Variants in NFIA observed in about 807,000 individuals in gnomAD.
NFIA encodes nuclear factor I A, also known as nuclear factor 1 A-type.
In NFIA, 8 loss-of-function variants were observed where a neutral mutation model predicts 62.8. That is an observed-to-expected ratio of 0.13 (90% CI 0.07 to 0.23). The LOEUF (loss-of-function observed/expected upper bound fraction) is 0.23. NFIA is among the 10% of genes least tolerant of loss of function. NFIA has a pLI of 1.00. For synonymous variants in NFIA, 235 were observed against 238.1 expected (o/e 0.99, Z 0.12); for missense variants, 410 against 642.1 (o/e 0.64, Z 3.91).
In NFIA at chr1:61,088,165, T is replaced by A. The variant is rs1646253335; in HGVS notation, c.44T>A (p.Phe15Tyr). The A allele has an allele frequency of 6.2e-7, 1 of 1,600,118 alleles. No individual in the cohort carries two copies. Among genetic ancestry groups the A allele is most frequent in the African/African-American group, 1.4e-5 (1 of 73,838 alleles). Residue 15 changes from phenylalanine to tyrosine, a missense_variant, in exon 2 of 11, where the codon TTC becomes TAC. By Grantham distance (22) the Phe-to-Tyr change is conservative (BLOSUM62 3). This residue lies in a region of NFIA where 86 missense variants were observed against 124.6 expected (regional missense o/e 0.69). Coordinates refer to ENST00000403491, the MANE Select transcript of NFIA (RefSeq NM_001134673.4). The surrounding 1 kb of genome is among the most constrained non-coding windows in gnomAD (Gnocchi z 4.5). ...LCLTQDEFHPFIEALLPHVRA... is the reference protein window; with the variant it reads ...LCLTQDEFHPYIEALLPHVRA... ...TTTTCCTAGGATGAATTTCATCCTT[T>A]CATCGAAGCACTTCTGCCCCACGTC...
At chr1:61,376,533 C>A (rs1664157160) in intron 6 of NFIA, among the ~76,000 whole-genome samples, 1 of 152,134 alleles carries the variant, frequency 6.6e-6, no homozygotes, top group Non-Finnish European at 1.5e-5. Flanking sequence ...TTGATAAAAT[C>A]TTAACTGATC....
intron 2 of NFIA, among the ~76,000 whole-genome samples, chr1:61,135,912 A>C (rs1022110102): frequency 6.6e-6 from 1 of 152,178 alleles, no homozygotes; most frequent in Non-Finnish European, 1.5e-5. Flanking sequence ...GAATATATGT[A>C]GTCTCCCCTA....
At chr1:61,194,754 C>T (rs756834880) in intron 2 of NFIA, among the ~76,000 whole-genome samples, 18 of 152,122 alleles carry the variant, frequency 1.2e-4, no homozygotes, top group Non-Finnish European at 2.5e-4. Context: ...AGTGCCCTTC[C>T]CACTATCCCA....
chr1:61,274,626 C>G (rs1238925101), intron 2 of NFIA, among the ~76,000 whole-genome samples: 1 of 152,164 alleles, frequency 6.6e-6, no homozygotes, highest in Admixed American at 6.5e-5. Flanking sequence ...GATATTTGTC[C>G]GAAAGAGTAA....
intron 3 of NFIA, among the ~76,000 whole-genome samples, chr1:61,283,582 A>T (rs1658275363): frequency 1.2e-5 from 1 of 83,524 alleles, no homozygotes. Flanking sequence ...ACTCTGTCTC[A>T]AAAAAAAAAA....
intron 2 of NFIA, among the ~76,000 whole-genome samples, chr1:61,101,740 A>AG (rs1182319014): frequency 2.0e-5 from 3 of 152,214 alleles, no homozygotes; most frequent in African/African-American, 7.2e-5. Context: ...TTAAGTTGTC[A>AG]GAAGTGTCAA....
intron 7 of NFIA, among the ~76,000 whole-genome samples, chr1:61,385,386 A>T (rs1361299364): frequency 6.6e-6 from 1 of 152,226 alleles, no homozygotes; most frequent in Non-Finnish European, 1.5e-5. Context: ...AGCAATCAGG[A>T]GAGCTGGGTA....
chr1:61,381,116 T>A (rs1040785811), intron 6 of NFIA, among the ~76,000 whole-genome samples: 3 of 148,998 alleles, frequency 2.0e-5, no homozygotes, highest in Non-Finnish European at 4.5e-5. Context: ...AAAAAAAAAA[T>A]CTGCCACCTT....
At chr1:61,200,050 ATATATATATATATATATG>A (rs1358240375) in intron 2 of NFIA, among the ~76,000 whole-genome samples, 67 of 52,326 alleles carry the variant, frequency 1.3e-3, no homozygotes, top group African/African-American at 5.3e-3. Context: ...ATATATATAT[ATATATATATATATATATG>A]TATGTATGTT....
At chr1:61,452,091 A>C (rs1268971565) in intron 10 of NFIA, among the ~76,000 whole-genome samples, 1 of 152,194 alleles carries the variant, frequency 6.6e-6, no homozygotes, top group Non-Finnish European at 1.5e-5. Context: ...ACAAGAGAAA[A>C]GTAGGCTTTT....
At chr1:61,140,028 C>A (rs1464579950) in intron 2 of NFIA, among the ~76,000 whole-genome samples, 1 of 152,038 alleles carries the variant, frequency 6.6e-6, no homozygotes, top group Non-Finnish European at 1.5e-5. Flanking sequence ...TCGAATGATA[C>A]CCAATAAATG....
chr1:61,376,378 G>T (rs1664149483), intron 6 of NFIA, among the ~76,000 whole-genome samples: 1 of 152,112 alleles, frequency 6.6e-6, no homozygotes, highest in Non-Finnish European at 1.5e-5. Flanking sequence ...TTGTTGAATA[G>T]GCAAGAGGCC....
At chr1:61,442,706 C>T (rs1308948120) in intron 10 of NFIA, among the ~76,000 whole-genome samples, 1 of 151,916 alleles carries the variant, frequency 6.6e-6, no homozygotes, top group Admixed American at 6.6e-5. Context: ...AAAAAATACA[C>T]AAAAGAAAGA....
chr1:61,402,763 C>T (rs1345147226), intron 7 of NFIA, among the ~76,000 whole-genome samples: 3 of 152,166 alleles, frequency 2.0e-5, no homozygotes, highest in Non-Finnish European at 4.4e-5. Flanking sequence ...CACCAGACCA[C>T]CTGCAAGACA....
intron 5 of NFIA, among the ~76,000 whole-genome samples, chr1:61,355,758 AT>A (rs78010945): frequency 0.11 from 16,041 of 151,534 alleles, 1,070 homozygotes; most frequent in Non-Finnish European, 0.14. Flanking sequence ...TTTAAAAAAT[AT>A]TTTTTTTTGT....
intron 2 of NFIA, among the ~76,000 whole-genome samples, chr1:61,204,688 T>C (rs1249047864): frequency 6.6e-6 from 1 of 152,238 alleles, no homozygotes; most frequent in East Asian, 1.9e-4. Flanking sequence ...TGGGTTGATG[T>C]GGTTACTGAA....
At chr1:61,294,566 T>G (rs1243786096) in intron 3 of NFIA, among the ~76,000 whole-genome samples, 1 of 152,264 alleles carries the variant, frequency 6.6e-6, no homozygotes, top group African/African-American at 2.4e-5. Context: ...TAACACAGTT[T>G]TCATATTACA....
chr1:61,354,661 C>G (rs919996487), intron 5 of NFIA, among the ~76,000 whole-genome samples: 4 of 152,172 alleles, frequency 2.6e-5, no homozygotes, highest in Non-Finnish European at 1.5e-5. Context: ...TCTTTTCACA[C>G]AGAATCCTCT....
intron 3 of NFIA, among the ~76,000 whole-genome samples, chr1:61,287,046 A>C (rs779654870): frequency 6.6e-6 from 1 of 152,230 alleles, no homozygotes; most frequent in African/African-American, 2.4e-5. Flanking sequence ...CTTGTAAGCC[A>C]AGGAAAAGAT....
Sources: allele counts gnomAD v4.1 joint callset (sites outside exome capture counted in the v4.1 genomes callset), GRCh38; gene constraint gnomAD v4.1.1; regional missense constraint gnomAD v4.1.1; non-coding constraint Gnocchi (gnomAD v3.1); transcripts MANE v1.5; gene names NCBI Gene and HGNC (gene_info 2026-07-23, HGNC 2026-07-21).